TRAIP: variants seen among roughly 807,000 people sequenced by gnomAD.
TRAIP encodes TRAF interacting protein.
Under a neutral mutation model 65.0 loss-of-function variants are expected in TRAIP, and 37 were observed. The ratio of observed to expected loss-of-function variants is 0.57; its 90% CI spans 0.44 to 0.75. TRAIP has a LOEUF of 0.75. TRAIP is among the 30% of genes least tolerant of loss of function. TRAIP has a pLI of 0.00. For missense variants in TRAIP, 481 were observed against 579.4 expected (o/e 0.83, Z 1.74); for synonymous variants, 187 against 219.1 (o/e 0.85, Z 1.29).
Position 49,839,823 on chromosome 3 carries a change from A to G in TRAIP, c.833T>C (p.Leu278Ser), listed in dbSNP as rs1412662048. ...KKKLTMLQET[L>S]NLPPVASETV... Reference sequence around the variant, plus strand: ...CTCACTGGCCACTGGTGGCAGGTTCAAGGTTTCCTGCAGCATCGTTAGCTT... The same window carrying G: ...CTCACTGGCCACTGGTGGCAGGTTCGAGGTTTCCTGCAGCATCGTTAGCTT... The change falls in exon 10 of 15, where the codon TTG (leucine) becomes TCG (serine). Residue 278 changes from leucine (L) to serine (S), a missense_variant. Transcript: ENST00000331456. The G allele has an allele frequency of 1.9e-6, 3 of 1,614,236 alleles. No individual in the cohort carries two copies. Among genetic ancestry groups the G allele is most frequent in the Non-Finnish European group, 2.5e-6 (3 of 1,180,020 alleles).
At chr3:49,830,163 G>A (rs956244534) in intron 11 of TRAIP, 95 bp from the exon 12 acceptor site, 2 of 1,361,422 alleles carry the variant, frequency 1.5e-6, no homozygotes, top group Non-Finnish European at 2.1e-6. Context: ...GTTACCATGT[G>A]GCACTGCTGC....
Position 49,831,942 on chromosome 3 carries a change from G to T in TRAIP, c.1011C>A (p.Tyr337Ter), listed in dbSNP as rs751675538. The change falls in exon 11 of 15, where the codon TAC (tyrosine) becomes TAA (stop). Residue 337 changes from tyrosine (Y) to a stop codon, truncating the protein, a stop_gained. Transcript: ENST00000331456. LOFTEE classifies it high-confidence loss of function. Reference sequence around the variant, plus strand: ...GTGACTTCTCTAGGCAAAGTTTTTCGTAGTAACCATGCTGGGAGCTGGAGG... The same window carrying T: ...GTGACTTCTCTAGGCAAAGTTTTTCTTAGTAACCATGCTGGGAGCTGGAGG... ...ARPSSSQHGY[Y>*]EKLCLEKSHS... 6.3e-7 allele frequency: 1 copy of T among 1,593,784 alleles called. No individual in the cohort carries two copies. The highest frequency in any genetic ancestry group is 2.3e-5 in the East Asian group (1 of 43,444).
At chr3:49,844,469 C>T in intron 4 of TRAIP, 72 bp downstream of exon 4, 1 of 1,565,088 alleles carries the variant, frequency 6.4e-7, no homozygotes, top group Middle Eastern at 1.9e-4. Flanking sequence ...TTGAAACCTT[C>T]CTCCTAGGGC....
chr3:49,836,742 C>T (rs150241574), intron 10 of TRAIP, among the ~76,000 whole-genome samples: 2 of 152,160 alleles, frequency 1.3e-5, no homozygotes, highest in African/African-American at 4.8e-5. Flanking sequence ...AGGAGGACCA[C>T]TTGAGCCCAG....
At chr3:49,838,418 A>G (rs1559447460) in intron 10 of TRAIP, among the ~76,000 whole-genome samples, 2 of 152,190 alleles carry the variant, frequency 1.3e-5, no homozygotes, top group Admixed American at 6.5e-5. Context: ...ACCAGATTCT[A>G]TAATGTAGTA....
intron 11 of TRAIP, 97 bp from the exon 12 acceptor site, chr3:49,830,165 C>T (rs553482351): frequency 8.2e-6 from 11 of 1,346,592 alleles, no homozygotes; most frequent in Non-Finnish European, 1.1e-5. Context: ...TACCATGTGG[C>T]ACTGCTGCTG....
At chr3:49,850,677 CAG>C (rs1386255498) in intron 1 of TRAIP, among the ~76,000 whole-genome samples, 106 of 83,090 alleles carry the variant, frequency 1.3e-3, no homozygotes, top group Non-Finnish European at 1.8e-3. Flanking sequence ...TTTTTTGAGA[CAG>C]AGTCTTGCTC....
At chr3:49,829,907 T>C (rs2081717564) in intron 12 of TRAIP, 113 bp downstream of exon 12, 1 of 1,582,102 alleles carries the variant, frequency 6.3e-7, no homozygotes, top group Admixed American at 1.7e-5. Context: ...CAAGGGTGGC[T>C]CCGAAGTACC....
intron 1 of TRAIP, among the ~76,000 whole-genome samples, chr3:49,848,744 A>C (rs924296000): frequency 6.6e-6 from 1 of 152,218 alleles, no homozygotes; most frequent in African/African-American, 2.4e-5. Context: ...TAAATGCTTG[A>C]GGTGATGGCT....
rs1429519988 is a variant in TRAIP at position 49,844,540 on chromosome 3, C to T, written c.280+1G>A. Reference sequence around the variant, plus strand: ...GCACCCCTCGTCTCTTGCTAACTCACCTTTCTGGGAAAGCTGGGCTCTGAC... The same window carrying T: ...GCACCCCTCGTCTCTTGCTAACTCATCTTTCTGGGAAAGCTGGGCTCTGAC... On this transcript the variant is annotated splice_donor_variant, in intron 4 of 14. Coordinates refer to ENST00000331456, the MANE Select transcript of TRAIP (RefSeq NM_005879.3). LOFTEE classifies it high-confidence loss of function. 1.9e-6 allele frequency: 3 copies of T among 1,613,888 alleles called. No homozygotes were observed. The highest frequency in any genetic ancestry group is 2.5e-6 in the Non-Finnish European group (3 of 1,179,962).
rs1011805606 is a variant in TRAIP at position 49,854,454 on chromosome 3, G to A, written c.98+1902C>T. ...TGCCTGGGAAAATGAGAAAGGTGTT[G>A]ATTAACCTTGAAATTGGTAAGTTAA... On this transcript the variant is annotated intron_variant, in intron 1 of 14. Coordinates refer to ENST00000331456, the MANE Select transcript of TRAIP (RefSeq NM_005879.3). Among the ~76,000 whole-genome samples the A allele has an allele frequency of 5.3e-5, 8 of 152,294 alleles. No homozygotes were observed. The East Asian group carries it at 1.3e-3, about 26-fold the overall frequency.
At chr3:49,844,761 T>G (rs191364384) in intron 3 of TRAIP, among the ~76,000 whole-genome samples, 181 bp from the exon 4 acceptor site, 26 of 152,364 alleles carry the variant, frequency 1.7e-4, no homozygotes, top group Admixed American at 7.8e-4. Flanking sequence ...TGTAGCTCTA[T>G]GTGCCCTTTT....
intron 5 of TRAIP, 139 bp from the exon 6 acceptor site, chr3:49,842,686 G>A: frequency 4.0e-6 from 3 of 750,752 alleles, no homozygotes; most frequent in Non-Finnish European, 4.3e-6. Context: ...CCAAACCCCA[G>A]GAGGTAAAGC....
chr3:49,849,593 C>A (rs2081914005), intron 1 of TRAIP, among the ~76,000 whole-genome samples: 1 of 151,924 alleles, frequency 6.6e-6, no homozygotes, highest in East Asian at 1.9e-4. Flanking sequence ...CCACTACACT[C>A]CAGCCTGGGC....
At chr3:49,831,202 T>C (rs2081729333) in intron 11 of TRAIP, among the ~76,000 whole-genome samples, 1 of 152,230 alleles carries the variant, frequency 6.6e-6, no homozygotes, top group Admixed American at 6.5e-5. Flanking sequence ...TCTTGCTCCC[T>C]TCCACCTCCA....
intron 8 of TRAIP, chr3:49,840,618 C>T: frequency 1.8e-6 from 1 of 565,624 alleles, no homozygotes; most frequent in Non-Finnish European, 3.2e-6. Context: ...AGCAGCTGTG[C>T]TGACCGAATC....
chr3:49,848,186 A>T lies in TRAIP; in HGVS notation c.113T>A (p.Phe38Tyr). Residue 38 changes from phenylalanine (F) to tyrosine (Y), a missense_variant, in exon 2 of 15, where the codon TTT becomes TAT. Phe to Tyr is a conservative substitution (Grantham distance 22, BLOSUM62 3). Transcript: ENST00000331456. ...TFHLQCLIQW[F>Y]ETAPSRTCPQ... ...GCAGGTCCGACTTGGTGCTGTCTCA[A>T]ACCACTGAATTAGGCTGGAATGAAA... 1 of 1,614,208 alleles carries T rather than the reference A, an allele frequency of 6.2e-7. No individual in the cohort carries two copies. The highest frequency in any genetic ancestry group is 1.1e-5 in the South Asian group (1 of 91,074).
rs964369672 is a variant in TRAIP at position 49,832,714 on chromosome 3, G to C, written c.885-646C>G. On this transcript the variant is annotated intron_variant, in intron 10 of 14. Coordinates refer to ENST00000331456, the MANE Select transcript of TRAIP (RefSeq NM_005879.3). ...CTTTTATAACACGGGGGGGGGGGGG[G>C]GGTGGGGGGTGGGGAGTGAAGTTTT... Among the ~76,000 whole-genome samples, 39 of 117,556 alleles carry C rather than the reference G, an allele frequency of 3.3e-4. 1 individual carries two copies. Among genetic ancestry groups the C allele is most frequent in the Non-Finnish European group, 4.6e-4 (25 of 53,806 alleles). 77.1% of individuals were successfully genotyped at this position (117,556 alleles called of 152,430 possible). A position where few individuals can be genotyped will look rare whatever the true frequency, so the allele number is the denominator to read the frequency against.
chr3:49,836,789 G>T (rs1036117339), intron 10 of TRAIP, among the ~76,000 whole-genome samples: 1 of 152,050 alleles, frequency 6.6e-6, no homozygotes, highest in African/African-American at 2.4e-5. Flanking sequence ...AAAATTTACT[G>T]AAGTTTACCA....
Sources: gnomAD v4.1 joint callset for allele counts (sites outside exome capture counted in the v4.1 genomes callset) on GRCh38, gnomAD v4.1.1 for gene constraint, MANE v1.5 for transcripts, NCBI Gene and HGNC (gene_info 2026-07-23, HGNC 2026-07-21) for gene names.